SH3RF3: variants seen among roughly 807,000 people sequenced by gnomAD.
SH3RF3 encodes E3 ubiquitin-protein ligase SH3RF3.
A neutral mutation model predicts 66.3 loss-of-function variants in SH3RF3; 29 were observed. The observed-to-expected ratio is 0.44, with a 90% confidence interval of 0.33 to 0.60. The LOEUF (loss-of-function observed/expected upper bound fraction) is 0.60, where lower values mean the gene tolerates loss of function less well. SH3RF3 is among the 20% of genes least tolerant of loss of function. The probability of loss-of-function intolerance (pLI) is 0.04; values close to 1 mark genes in which losing one functional copy is unlikely to be tolerated. For synonymous variants in SH3RF3, 583 were observed against 532.0 expected, an observed-to-expected ratio of 1.10 and a Z score of -1.32; for missense variants, 1,194 against 1,190.9, an observed-to-expected ratio of 1.00 and a Z score of -0.04.
At chr2:109,272,689 A>G (rs1479913287) in intron 1 of SH3RF3, among the ~76,000 whole-genome samples, 2 of 152,234 alleles carry the variant, frequency 1.3e-5, no homozygotes, top group Non-Finnish European at 2.9e-5. Flanking sequence ...CATGGAGACA[A>G]TACAGGCTGG....
chr2:109,272,891 T>C (rs1680662062), intron 1 of SH3RF3, among the ~76,000 whole-genome samples: 1 of 152,300 alleles, frequency 6.6e-6, no homozygotes, highest in Admixed American at 6.5e-5. Flanking sequence ...CTGACCCGGT[T>C]CCCTTGTCAT....
intron 2 of SH3RF3, among the ~76,000 whole-genome samples, chr2:109,368,201 C>G (rs1027340392): frequency 6.6e-6 from 1 of 152,078 alleles, no homozygotes; most frequent in Non-Finnish European, 1.5e-5. Flanking sequence ...AGACATTAAG[C>G]CTTTGTCTCT....
At chr2:109,331,757 T>C (rs1200202470) in intron 1 of SH3RF3, among the ~76,000 whole-genome samples, 3 of 152,218 alleles carry the variant, frequency 2.0e-5, no homozygotes, top group Non-Finnish European at 4.4e-5. Flanking sequence ...AGGTGGCCAA[T>C]AAGTACTTGG....
At chr2:109,222,729 A>G (rs1679284399) in intron 1 of SH3RF3, among the ~76,000 whole-genome samples, 1 of 152,180 alleles carries the variant, frequency 6.6e-6, no homozygotes, top group Non-Finnish European at 1.5e-5. Flanking sequence ...CCTTTCTTCT[A>G]CCACTGACAT....
intron 8 of SH3RF3, among the ~76,000 whole-genome samples, chr2:109,481,950 C>T (rs1158409692): frequency 2.0e-5 from 3 of 152,182 alleles, no homozygotes; most frequent in Non-Finnish European, 4.4e-5. Flanking sequence ...TCTGTGCTCC[C>T]CTACAAAATG....
At chr2:109,477,982 C>G (rs1419486144) in intron 8 of SH3RF3, among the ~76,000 whole-genome samples, 1 of 152,176 alleles carries the variant, frequency 6.6e-6, no homozygotes, top group Non-Finnish European at 1.5e-5. Context: ...CAAGGGCCTC[C>G]TCCTCACCTC....
intron 1 of SH3RF3, among the ~76,000 whole-genome samples, chr2:109,292,316 A>T (rs1681204298): frequency 6.6e-6 from 1 of 152,184 alleles, no homozygotes; most frequent in African/African-American, 2.4e-5. Flanking sequence ...TTGTTAGTGT[A>T]TTGGGGTTCC....
intron 1 of SH3RF3, among the ~76,000 whole-genome samples, chr2:109,342,966 C>T (rs1682591782): frequency 1.3e-5 from 2 of 152,128 alleles, no homozygotes; most frequent in South Asian, 4.1e-4. Context: ...TTCTTAATGT[C>T]TTGAGCCCAA....
intron 8 of SH3RF3, among the ~76,000 whole-genome samples, chr2:109,482,156 T>C (rs764261185): frequency 6.6e-5 from 10 of 152,168 alleles, no homozygotes; most frequent in Non-Finnish European, 1.0e-4. Flanking sequence ...CTGTGTCTCT[T>C]GTTCAGCATC....
chr2:109,174,548 A>G (rs1204924798), intron 1 of SH3RF3, among the ~76,000 whole-genome samples: 3 of 152,194 alleles, frequency 2.0e-5, no homozygotes, highest in African/African-American at 4.8e-5. Flanking sequence ...TGGTCTTTCT[A>G]CAACAACCCA....
chr2:109,210,024 T>C (rs1352138220), intron 1 of SH3RF3, among the ~76,000 whole-genome samples: 5 of 152,236 alleles, frequency 3.3e-5, no homozygotes, highest in African/African-American at 1.2e-4. Context: ...TCTCTGTGAA[T>C]GACTATTCTA....
At chr2:109,411,263 C>T (rs10865028) in intron 4 of SH3RF3, among the ~76,000 whole-genome samples, 85,235 of 152,096 alleles carry the variant, frequency 0.56, 24,384 homozygotes, top group African/African-American at 0.64. Flanking sequence ...GGATGCTGGC[C>T]GTGTGGAAGT....
chr2:109,474,748 T>G (rs1439525164), intron 8 of SH3RF3, among the ~76,000 whole-genome samples: 2 of 152,200 alleles, frequency 1.3e-5, no homozygotes, highest in African/African-American at 4.8e-5. Flanking sequence ...CAGAGCCAGA[T>G]GGATCCAGTG....
chr2:109,163,825 C>T (rs1677552770), intron 1 of SH3RF3, among the ~76,000 whole-genome samples: 1 of 152,202 alleles, frequency 6.6e-6, no homozygotes, highest in Non-Finnish European at 1.5e-5. Context: ...TCCCTCCAAA[C>T]AATGTGTTTT....
At chr2:109,344,859 C>T (rs1190249945) in intron 1 of SH3RF3, among the ~76,000 whole-genome samples, 1 of 152,144 alleles carries the variant, frequency 6.6e-6, no homozygotes, top group Non-Finnish European at 1.5e-5. Flanking sequence ...TGCAGATGTC[C>T]AGCAGAGCCG....
At chr2:109,398,244 C>T (rs1399810969) in intron 3 of SH3RF3, among the ~76,000 whole-genome samples, 1 of 152,170 alleles carries the variant, frequency 6.6e-6, no homozygotes, top group Non-Finnish European at 1.5e-5. Flanking sequence ...GCTTCCTTCC[C>T]ATCTTGTCCC....
intron 1 of SH3RF3, among the ~76,000 whole-genome samples, chr2:109,138,288 A>G (rs568142878): frequency 1.3e-5 from 2 of 152,264 alleles, no homozygotes; most frequent in African/African-American, 4.8e-5. Context: ...TGGCCTCCCA[A>G]AGTGCTGGGA....
chr2:109,447,205 C>T (rs34554071), intron 7 of SH3RF3, among the ~76,000 whole-genome samples: 38,382 of 148,180 alleles, frequency 0.26, 5,902 homozygotes, highest in East Asian at 0.41. Context: ...AAAAAAAAAC[C>T]CACATAAATC....
intron 1 of SH3RF3, among the ~76,000 whole-genome samples, chr2:109,211,190 T>G (rs1225334751): frequency 6.6e-6 from 1 of 152,130 alleles, no homozygotes; most frequent in Non-Finnish European, 1.5e-5. Flanking sequence ...TGAAAGCAGG[T>G]GGGGGCTGCT....
Sources: allele counts gnomAD v4.1 joint callset (sites outside exome capture counted in the v4.1 genomes callset), GRCh38; gene constraint gnomAD v4.1.1; transcripts MANE v1.5; gene names NCBI Gene and HGNC (gene_info 2026-07-23, HGNC 2026-07-21).